The following GATAD2A variants were observed in gnomAD, a reference collection of about 807,000 sequenced individuals.
GATAD2A encodes the protein transcriptional repressor p66-alpha.
In GATAD2A, 12 loss-of-function variants were observed where a neutral mutation model predicts 68.5. The observed-to-expected ratio is 0.18, with a 90% CI of 0.11 to 0.28. The LOEUF is 0.28. GATAD2A is among the 10% of genes least tolerant of loss of function. The probability of loss-of-function intolerance (pLI) is 1.00; values close to 1 mark genes in which losing one functional copy is unlikely to be tolerated. For synonymous variants in GATAD2A, 410 were observed against 375.3 expected (o/e 1.09, Z -1.07); for missense variants, 755 against 868.5 (o/e 0.87, Z 1.64).
At chr19:19,502,575 T>C in intron 11 of GATAD2A, 49 bp downstream of exon 11, 1 of 1,406,452 alleles carries the variant, frequency 7.1e-7, no homozygotes, top group Non-Finnish European at 9.8e-7. Flanking sequence ...ATTGTGGGGT[T>C]CACCCTTCCT....
At chr19:19,495,670 C>A (rs1325923613) in intron 5 of GATAD2A, 84 bp from the exon 6 acceptor site, 1,367 of 904,804 alleles carry the variant, frequency 1.5e-3, no homozygotes, top group Non-Finnish European at 1.9e-3. Flanking sequence ...TATGTACTTT[C>A]ATAAAAGCAG....
chr19:19,452,791 T>C (rs1206933617), intron 1 of GATAD2A, among the ~76,000 whole-genome samples: 2 of 152,118 alleles, frequency 1.3e-5, no homozygotes, highest in Non-Finnish European at 2.9e-5. Context: ...CAGGACATGA[T>C]ATAGGTTACC....
intron 1 of GATAD2A, among the ~76,000 whole-genome samples, chr19:19,398,647 C>G (rs938440657): frequency 6.7e-6 from 1 of 149,152 alleles, no homozygotes; most frequent in Non-Finnish European, 1.5e-5. Context: ...ACAATTTAAA[C>G]TTACTTTCGG....
At chr19:19,466,246 A>G (rs1354398049) in intron 2 of GATAD2A, among the ~76,000 whole-genome samples, 1 of 152,112 alleles carries the variant, frequency 6.6e-6, no homozygotes, top group Non-Finnish European at 1.5e-5. Flanking sequence ...CCAATCTACC[A>G]CCTATTTCTT....
intron 1 of GATAD2A, among the ~76,000 whole-genome samples, chr19:19,397,354 T>C (rs1170157512): frequency 1.3e-5 from 2 of 151,894 alleles, no homozygotes; most frequent in Admixed American, 6.6e-5. Flanking sequence ...GCGATTCTCC[T>C]GCCTCAGCAG....
intron 2 of GATAD2A, among the ~76,000 whole-genome samples, chr19:19,485,643 C>T (rs534095881): frequency 2.0e-5 from 3 of 152,204 alleles, no homozygotes; most frequent in Non-Finnish European, 4.4e-5. Context: ...CACGTCACTT[C>T]CTCTGCATTC....
rs759612580 is a variant in GATAD2A, at chr19:19,496,116, C to T, written c.821C>T (p.Ala274Val). The part of the protein sequence containing the change: ...GPPPLLLAPR[A>V]SVPSVQIQGQ... The stretch of plus-strand genomic sequence containing the variant: ...CCGCCCCTCCTCCTGGCCCCCCGGG[C>T]GTCGGTGCCCAGTGTGCAGATTCAG... Residue 274 changes from alanine to valine, a missense_variant, in exon 7 of 12, where the codon GCG becomes GTG. Coordinates refer to ENST00000683918, the MANE Select transcript of GATAD2A (RefSeq NM_001384528.1). 1.5e-5 allele frequency: 24 copies of T among 1,613,296 alleles called. No individual in the cohort carries two copies. In the African/African-American group the frequency reaches 2.3e-4, roughly 15 times the overall value.
At chr19:19,424,856 G>C (rs1015398957) in intron 1 of GATAD2A, among the ~76,000 whole-genome samples, 7 of 151,958 alleles carry the variant, frequency 4.6e-5, no homozygotes, top group African/African-American at 1.5e-4. Flanking sequence ...GCTTGTGCCT[G>C]TAATCCCAGC....
intron 1 of GATAD2A, among the ~76,000 whole-genome samples, chr19:19,461,876 G>C (rs2057459476): frequency 6.6e-6 from 1 of 152,192 alleles, no homozygotes. Context: ...CTTTCAAATG[G>C]GCACACTGCT....
In GATAD2A at chr19:19,502,542, A is replaced by G; in HGVS notation, c.1774+16A>G. 6.3e-7 allele frequency: 1 copy of G among 1,579,308 alleles called. No individual in the cohort carries two copies. The highest frequency in any genetic ancestry group is 8.6e-7 in the Non-Finnish European group (1 of 1,157,920). On this transcript the variant is annotated intron_variant, in intron 11 of 11. Transcript: ENST00000683918. ...CTCAGCACAGGTGGGTGACCTCCAC[A>G]GGGCTCCCCAGGGGACCTGCCCATT...
chr19:19,406,460 G>T (rs1485596912), intron 1 of GATAD2A, among the ~76,000 whole-genome samples: 1 of 151,330 alleles, frequency 6.6e-6, no homozygotes, highest in African/African-American at 2.4e-5. Flanking sequence ...CCGCGGCGGC[G>T]GCGGCGGCGG....
At chr19:19,503,759 A>G (rs2060700368) in intron 11 of GATAD2A, among the ~76,000 whole-genome samples, 1 of 152,058 alleles carries the variant, frequency 6.6e-6, no homozygotes, top group Non-Finnish European at 1.5e-5. Flanking sequence ...TGAAAGCACC[A>G]TTTCCTAAAA....
Position 19,505,524 on chromosome 19 carries a change from C to G in GATAD2A, c.*50C>G. Reference sequence around the variant, plus strand: ...GGGCTCCCTCCTCCCCCACCTGGCCCCTGGTCTAGAAGGACCCACTGCACC... The same window carrying G: ...GGGCTCCCTCCTCCCCCACCTGGCCGCTGGTCTAGAAGGACCCACTGCACC... On this transcript the variant is annotated 3_prime_UTR_variant, in exon 12 of 12. Transcript: ENST00000683918. The G allele has an allele frequency of 6.6e-7, 1 of 1,522,256 alleles. No individual in the cohort carries two copies. Among genetic ancestry groups the G allele is most frequent in the Non-Finnish European group, 8.8e-7 (1 of 1,132,162 alleles). The allele number at this position is 1,522,256 out of a possible 1,614,324, so 94.3% of individuals were successfully genotyped here. A position where few individuals can be genotyped will look rare whatever the true frequency, so the allele number is the denominator to read the frequency against.
At chr19:19,397,412 A>T (rs1374979469) in intron 1 of GATAD2A, among the ~76,000 whole-genome samples, 1 of 151,950 alleles carries the variant, frequency 6.6e-6, no homozygotes, top group Non-Finnish European at 1.5e-5. Flanking sequence ...TTTAGTAGAG[A>T]TGGGGTTTCT....
Position 19,388,058 on chromosome 19 carries a change from C to CT in GATAD2A, c.-7+1934dup, listed in dbSNP as rs1286116164. Among the ~76,000 whole-genome samples the CT allele has an allele frequency of 6.5e-3, 790 of 121,180 alleles. 9 individuals are homozygous for CT. Among genetic ancestry groups the CT allele is most frequent in the African/African-American group, 0.029 (717 of 24,982 alleles). 79.5% of individuals were successfully genotyped at this position (121,180 alleles called of 152,430 possible). A position where few individuals can be genotyped will look rare whatever the true frequency, so the allele number is the denominator to read the frequency against. On this transcript the variant is annotated intron_variant, in intron 1 of 11. Coordinates refer to the GATAD2A transcript ENST00000360315. The stretch of plus-strand genomic sequence containing the variant: ...GAGCACTCACATCAAGCTTCTCCTC[C>CT]TTTTTTTTTTTTTTGGAGATGGAGT...
At chr19:19,489,784 C>G (rs539539518) in intron 2 of GATAD2A, among the ~76,000 whole-genome samples, 1 of 152,330 alleles carries the variant, frequency 6.6e-6, no homozygotes, top group Non-Finnish European at 1.5e-5. Context: ...TCATGCTAGC[C>G]CAGGAATTGT....
At chr19:19,492,524 GC>G in intron 3 of GATAD2A, 56 bp from the exon 4 acceptor site, 1 of 1,611,342 alleles carries the variant, frequency 6.2e-7, no homozygotes, top group South Asian at 1.1e-5. Flanking sequence ...TGATGGCAGG[GC>G]CTCTGCTCCT....
intron 1 of GATAD2A, among the ~76,000 whole-genome samples, chr19:19,420,559 C>T (rs2052285199): frequency 6.7e-6 from 1 of 149,958 alleles, no homozygotes; most frequent in African/African-American, 2.5e-5. Flanking sequence ...CCAGGCTGAT[C>T]TCGATCTCCT....
At chr19:19,413,127 T>G (rs1276231700) in intron 1 of GATAD2A, among the ~76,000 whole-genome samples, 3 of 152,240 alleles carry the variant, frequency 2.0e-5, no homozygotes, top group African/African-American at 4.8e-5. Flanking sequence ...AGCATCTGTC[T>G]TCTTGTTGCT....
Sources: gnomAD v4.1 joint callset for allele counts (sites outside exome capture counted in the v4.1 genomes callset) on GRCh38, gnomAD v4.1.1 for gene constraint, MANE v1.5 for transcripts, NCBI Gene and HGNC (gene_info 2026-07-23, HGNC 2026-07-21) for gene names.